Variants in SHLD2 observed in about 807,000 individuals in gnomAD.
The protein encoded by SHLD2 is shieldin complex subunit 2, also known as RINN1-REV7-interacting novel NHEJ regulator 2.
In SHLD2, 30 loss-of-function variants were observed where a neutral mutation model predicts 73.2. That is an observed-to-expected ratio of 0.41 (90% CI 0.31 to 0.56). The LOEUF (loss-of-function observed/expected upper bound fraction) is 0.56. Ranked by LOEUF, SHLD2 falls within the 20% of genes least tolerant of loss-of-function variation. SHLD2 has a pLI of 0.28. For synonymous variants in SHLD2, 285 were observed against 370.1 expected, an observed-to-expected ratio of 0.77 and a Z score of 2.64; for missense variants, 745 against 1,055.9, an observed-to-expected ratio of 0.71 and a Z score of 4.08.
At chr10:87,181,721 A>G (rs1228275668) in intron 8 of SHLD2, among the ~76,000 whole-genome samples, 1 of 152,114 alleles carries the variant, frequency 6.6e-6, no homozygotes. Flanking sequence ...TAGAATGTTG[A>G]ATGGTCATGT....
In SHLD2 at chr10:87,175,973, C is replaced by G. The variant is rs1339289046; in HGVS notation, c.2048C>G (p.Ser683Cys). The G allele has an allele frequency of 6.1e-5, 94 of 1,550,120 alleles. 1 individual carries two copies. The East Asian group carries it at 2.3e-3, about 37-fold the overall frequency. ...GAATTGCATACAACGCCTTGGTCAT[C>G]CTGTGAGTGCTTGTTTGATGATGAT... ...NLELHTTPWS[S>C]CECLFDDDIR... The change falls in exon 7 of 10, where the codon TCC becomes TGC. Residue 683 changes from serine (S) to cysteine (C), a missense_variant. Physicochemically the swap from Ser to Cys is moderately radical, Grantham distance 112 (BLOSUM62 -1). This residue lies in a region of SHLD2 where 418 missense variants were observed against 567.8 expected (regional missense o/e 0.74). Transcript: ENST00000298786.
intron 2 of SHLD2, among the ~76,000 whole-genome samples, chr10:87,123,450 C>T (rs1189396774): frequency 6.6e-6 from 1 of 151,960 alleles, no homozygotes; most frequent in African/African-American, 2.4e-5. Context: ...TACAGGTGTG[C>T]ATGCCTCGCT....
chr10:87,106,769 A>G (rs1842621049), intron 2 of SHLD2, among the ~76,000 whole-genome samples: 1 of 152,200 alleles, frequency 6.6e-6, no homozygotes, highest in Admixed American at 6.5e-5. Context: ...CATCAATGTA[A>G]CACATAGGCA....
At chr10:87,116,185 G>A (rs1441688113) in intron 2 of SHLD2, among the ~76,000 whole-genome samples, 18 of 152,104 alleles carry the variant, frequency 1.2e-4, no homozygotes, top group Admixed American at 3.3e-4. Context: ...AGGACTAAGC[G>A]TGGATATTTG....
chr10:87,156,216 G>A (rs754582158), intron 3 of SHLD2, among the ~76,000 whole-genome samples: 23 of 151,856 alleles, frequency 1.5e-4, no homozygotes, highest in Admixed American at 4.6e-4. Context: ...ACAGGAGCCC[G>A]CCACCACGCC....
intron 8 of SHLD2, among the ~76,000 whole-genome samples, chr10:87,181,462 T>C (rs1848310467): frequency 6.6e-6 from 1 of 152,208 alleles, no homozygotes; most frequent in African/African-American, 2.4e-5. Flanking sequence ...CAAAAGTATG[T>C]ATAGGTGACT....
At chr10:87,126,463 A>G (rs1844016198) in intron 2 of SHLD2, among the ~76,000 whole-genome samples, 2 of 152,098 alleles carry the variant, frequency 1.3e-5, no homozygotes, top group African/African-American at 4.8e-5. Context: ...TGGCCATAGT[A>G]TTAAGTTTGC....
In SHLD2 at chr10:87,170,667, T is replaced by C. The variant is rs1410523230; in HGVS notation, c.1823T>C (p.Leu608Pro). 19 of 1,602,788 alleles carry C rather than the reference T, an allele frequency of 1.2e-5. No homozygotes were observed. Among genetic ancestry groups the C allele is most frequent in the Non-Finnish European group, 1.6e-5 (19 of 1,176,016 alleles). ...CTAAGAGTTGTTGATTTCACTATAC[T>C]GACAGGTAAATATTTTGACTGCCTC... ...AVLRVVDFTI[L>P]TEAVYSYRGQ... The change falls in exon 5 of 10, where the codon CTG becomes CCG. Residue 608 changes from leucine to proline, a missense_variant. Physicochemically the swap from Leu to Pro is moderately conservative, Grantham distance 98 (BLOSUM62 -3). Transcript: ENST00000298786.
intron 2 of SHLD2, among the ~76,000 whole-genome samples, chr10:87,103,112 A>G (rs1842373822): frequency 6.6e-6 from 1 of 152,072 alleles, no homozygotes; most frequent in Non-Finnish European, 1.5e-5. Context: ...CAGGAGGCTA[A>G]GGCAGGAGAA....
intron 2 of SHLD2, among the ~76,000 whole-genome samples, chr10:87,097,552 A>G (rs1358819773): frequency 1.2e-4 from 18 of 151,968 alleles, no homozygotes; most frequent in Admixed American, 1.1e-3. Context: ...AGATCGTGCC[A>G]TTGCACTCCA....
intron 2 of SHLD2, among the ~76,000 whole-genome samples, chr10:87,104,149 C>G (rs1406352797): frequency 6.7e-6 from 1 of 150,082 alleles, no homozygotes; most frequent in Non-Finnish European, 1.5e-5. Flanking sequence ...AGACAGGAGA[C>G]TCGCTTGAAC....
At chr10:87,115,137 G>A (rs1413895602) in intron 2 of SHLD2, among the ~76,000 whole-genome samples, 1 of 152,060 alleles carries the variant, frequency 6.6e-6, no homozygotes, top group Non-Finnish European at 1.5e-5. Flanking sequence ...TGCAACCTCC[G>A]CCTCCGGGGT....
chr10:87,174,098 T>A (rs1054417486), intron 6 of SHLD2, among the ~76,000 whole-genome samples: 2 of 152,144 alleles, frequency 1.3e-5, no homozygotes, highest in African/African-American at 4.8e-5. Flanking sequence ...GAACTTATCA[T>A]AACTATGTAT....
chr10:87,163,438 A>T (rs1423644341), intron 4 of SHLD2, among the ~76,000 whole-genome samples: 1 of 152,260 alleles, frequency 6.6e-6, no homozygotes, highest in East Asian at 1.9e-4. Flanking sequence ...TATTGTTACA[A>T]GTGAACCTAA....
intron 3 of SHLD2, among the ~76,000 whole-genome samples, chr10:87,155,082 C>T (rs1433010886): frequency 6.6e-6 from 1 of 152,074 alleles, no homozygotes; most frequent in Non-Finnish European, 1.5e-5. Context: ...CTACAGGCGC[C>T]TGCCACCGCG....
At chr10:87,178,909 A>G (rs11202372) in intron 7 of SHLD2, among the ~76,000 whole-genome samples, 49,646 of 151,914 alleles carry the variant, frequency 0.33, 8,693 homozygotes, top group South Asian at 0.47. Flanking sequence ...AATGAAGTTA[A>G]GAACAGAAGA....
At chr10:87,135,251 C>G (rs1164538532) in intron 2 of SHLD2, among the ~76,000 whole-genome samples, 1 of 151,634 alleles carries the variant, frequency 6.6e-6, no homozygotes, top group African/African-American at 2.4e-5. Context: ...AAAGTCCATA[C>G]TTTATTTACC....
intron 2 of SHLD2, among the ~76,000 whole-genome samples, chr10:87,100,262 A>G (rs1023234494): frequency 6.6e-6 from 1 of 152,058 alleles, no homozygotes; most frequent in Non-Finnish European, 1.5e-5. Flanking sequence ...GTTTTTATCC[A>G]TTTTGTGTTA....
At chr10:87,188,010 G>T (rs964651229) in intron 9 of SHLD2, among the ~76,000 whole-genome samples, 1 of 152,136 alleles carries the variant, frequency 6.6e-6, no homozygotes, top group Non-Finnish European at 1.5e-5. Context: ...CATCAGCATA[G>T]CCCTCCACTC....
Sources: gnomAD v4.1 joint callset for allele counts (sites outside exome capture counted in the v4.1 genomes callset) on GRCh38, gnomAD v4.1.1 for gene constraint, gnomAD v4.1.1 regional missense constraint, MANE v1.5 for transcripts, NCBI Gene and HGNC (gene_info 2026-07-23, HGNC 2026-07-21) for gene names.